PDZRN4: variants seen among roughly 807,000 people sequenced by gnomAD.
PDZRN4 encodes the protein PDZ domain containing ring finger 4, also known as PDZ domain-containing RING finger protein 4.
In PDZRN4, 70 loss-of-function variants were observed where a neutral mutation model predicts 99.0. That is an observed-to-expected ratio of 0.71 (90% CI 0.58 to 0.86). The LOEUF is 0.86. Ranked by LOEUF, PDZRN4 falls within the 40% of genes least tolerant of loss-of-function variation. PDZRN4 has a pLI of 0.00. For synonymous variants in PDZRN4, 551 were observed against 501.6 expected (o/e 1.10, Z -1.32); for missense variants, 1,474 against 1,331.2 (o/e 1.11, Z -1.67).
At position 41,552,721 on chromosome 12, in the gene PDZRN4, T is replaced by A. The variant is rs1208792515; in HGVS notation, c.1269T>A (p.Asp423Glu). ...KLGLTVCYRT[D>E]DEEDTGIYVS... ...GCCTGACAGTCTGTTACCGAACAGA[T>A]GATGAAGAAGACACCGGCATTTATG... Residue 423 changes from aspartate (D) to glutamate (E), a missense_variant, in exon 6 of 10, where the codon GAT becomes GAA. Coordinates refer to ENST00000402685, the MANE Select transcript of PDZRN4 (RefSeq NM_001164595.2). The A allele has an allele frequency of 1.2e-6, 2 of 1,613,578 alleles. No homozygotes were observed. Among genetic ancestry groups the A allele is most frequent in the Non-Finnish European group, 1.7e-6 (2 of 1,179,664 alleles).
At position 41,189,116 on chromosome 12, in the gene PDZRN4, G is replaced by T. The variant is rs780502759; in HGVS notation, c.648+13G>T. Reference sequence around the variant, plus strand: ...CGGCCACCGCAGGGTAAGCAAAGGGGGGTGGGCACCGCGGGCATGGTCGAT... The same window carrying T: ...CGGCCACCGCAGGGTAAGCAAAGGGTGGTGGGCACCGCGGGCATGGTCGAT... On this transcript the variant is annotated intron_variant, in intron 1 of 9. Coordinates refer to ENST00000402685, the MANE Select transcript of PDZRN4 (RefSeq NM_001164595.2). 3.1e-4 allele frequency: 489 copies of T among 1,575,770 alleles called. No homozygotes were observed. The highest frequency in any genetic ancestry group is 7.6e-4 in the Admixed American group (43 of 56,846).
chr12:41,400,195 T>C (rs370340080), intron 3 of PDZRN4, among the ~76,000 whole-genome samples: 1 of 152,178 alleles, frequency 6.6e-6, no homozygotes, highest in Non-Finnish European at 1.5e-5. Flanking sequence ...AGCAGCTTTT[T>C]CTCCCTGTTG....
At chr12:41,281,183 G>A (rs377033910) in intron 3 of PDZRN4, among the ~76,000 whole-genome samples, 3 of 151,746 alleles carry the variant, frequency 2.0e-5, no homozygotes, top group East Asian at 1.9e-4. Context: ...CAACAAAACA[G>A]ATGACCACGC....
intron 3 of PDZRN4, among the ~76,000 whole-genome samples, chr12:41,362,032 A>G (rs749903070): frequency 6.6e-6 from 1 of 152,054 alleles, no homozygotes; most frequent in Non-Finnish European, 1.5e-5. Flanking sequence ...TATCTCATGC[A>G]TAATCCTCTC....
intron 3 of PDZRN4, among the ~76,000 whole-genome samples, chr12:41,383,764 A>G (rs1404575963): frequency 6.6e-6 from 1 of 152,196 alleles, no homozygotes; most frequent in Admixed American, 6.5e-5. Flanking sequence ...ACATTAGTGC[A>G]AGTTTTAGAA....
At chr12:41,455,512 G>T (rs891184040) in intron 3 of PDZRN4, among the ~76,000 whole-genome samples, 3 of 152,114 alleles carry the variant, frequency 2.0e-5, no homozygotes, top group Non-Finnish European at 4.4e-5. Context: ...GGCGTTCTGA[G>T]AAAATCAGTT....
At chr12:41,436,889 C>G (rs111329798) in intron 3 of PDZRN4, among the ~76,000 whole-genome samples, 411 of 152,242 alleles carry the variant, frequency 2.7e-3, no homozygotes, top group Non-Finnish European at 4.2e-3. Context: ...TTGCCAGTAT[C>G]AGCTTTGTAA....
chr12:41,255,681 G>T (rs1239862361), intron 3 of PDZRN4, among the ~76,000 whole-genome samples: 1 of 152,154 alleles, frequency 6.6e-6, no homozygotes, highest in Admixed American at 6.5e-5. Flanking sequence ...AAGAAAAGAG[G>T]TTTAATTGGC....
intron 3 of PDZRN4, among the ~76,000 whole-genome samples, chr12:41,432,410 T>G (rs1419001564): frequency 6.6e-6 from 1 of 152,238 alleles, no homozygotes; most frequent in Non-Finnish European, 1.5e-5. Flanking sequence ...TGGGGGAAAA[T>G]GTCATATAGC....
intron 3 of PDZRN4, chr12:41,459,898 C>A: frequency 8.2e-7 from 1 of 1,222,768 alleles, no homozygotes; most frequent in Non-Finnish European, 1.0e-6. Flanking sequence ...ACTTCTAGAA[C>A]AATTACAGCT....
At chr12:41,370,617 C>A (rs1010891799) in intron 3 of PDZRN4, among the ~76,000 whole-genome samples, 2 of 151,906 alleles carry the variant, frequency 1.3e-5, no homozygotes, top group Non-Finnish European at 2.9e-5. Context: ...TTATATAAAT[C>A]TGGTAAACTC....
intron 5 of PDZRN4, among the ~76,000 whole-genome samples, chr12:41,520,790 A>G (rs1229341181): frequency 6.6e-6 from 1 of 152,068 alleles, no homozygotes; most frequent in Non-Finnish European, 1.5e-5. Flanking sequence ...TTTACAGATG[A>G]AGCACTGGAT....
intron 5 of PDZRN4, among the ~76,000 whole-genome samples, chr12:41,520,619 GACACACACACACACACACAC>G (rs10580466): frequency 4.4e-5 from 6 of 137,366 alleles, no homozygotes; most frequent in Admixed American, 1.4e-4. Context: ...CCTAAATACA[GACACACACACACACACACAC>G]ACACACACAC....
chr12:41,451,160 G>C (rs1592064264), intron 3 of PDZRN4, among the ~76,000 whole-genome samples: 1 of 109,376 alleles, frequency 9.1e-6, no homozygotes, highest in East Asian at 3.4e-4. Flanking sequence ...TTCCTTGGAT[G>C]TGCAATTTAG....
chr12:41,332,569 C>T (rs1222597058), intron 3 of PDZRN4, among the ~76,000 whole-genome samples: 1 of 151,438 alleles, frequency 6.6e-6, no homozygotes, highest in Non-Finnish European at 1.5e-5. Flanking sequence ...GGTTAAGAAC[C>T]TAGGGGTCTT....
intron 3 of PDZRN4, among the ~76,000 whole-genome samples, chr12:41,229,559 C>T (rs933399930): frequency 2.6e-5 from 4 of 152,090 alleles, no homozygotes; most frequent in Non-Finnish European, 5.9e-5. Flanking sequence ...GTCTTACTCC[C>T]TATCTGCTAT....
chr12:41,265,712 A>G (rs1951271134), intron 3 of PDZRN4, among the ~76,000 whole-genome samples: 1 of 152,320 alleles, frequency 6.6e-6, no homozygotes, highest in East Asian at 1.9e-4. Context: ...AGATGCATGT[A>G]CCACTTGTAC....
In PDZRN4 at chr12:41,305,613, A is replaced by G. The variant is rs544154205; in HGVS notation, c.843+111425A>G. Among the ~76,000 whole-genome samples, 3 of 152,210 alleles carry G rather than the reference A, an allele frequency of 2.0e-5. No individual in the cohort carries two copies. The South Asian group carries it at 6.2e-4, about 32-fold the overall frequency. On this transcript the variant is annotated intron_variant, in intron 3 of 9. Transcript: ENST00000402685. ...TTCTTACAAGGGCACTAACCCCACCATGGTCACTCCATCCACAGGACCTCA... is the reference window on the plus strand; with the variant it reads ...TTCTTACAAGGGCACTAACCCCACCGTGGTCACTCCATCCACAGGACCTCA...
chr12:41,234,858 T>C (rs2120765991), intron 3 of PDZRN4, among the ~76,000 whole-genome samples: 1 of 152,066 alleles, frequency 6.6e-6, no homozygotes, highest in East Asian at 1.9e-4. Context: ...AGATGAAATG[T>C]CAATGAGCAC....
Sources: gnomAD v4.1 joint callset for allele counts (sites outside exome capture counted in the v4.1 genomes callset) on GRCh38, gnomAD v4.1.1 for gene constraint, MANE v1.5 for transcripts, NCBI Gene and HGNC (gene_info 2026-07-23, HGNC 2026-07-21) for gene names.